Variants in GREB1L observed in about 807,000 individuals in gnomAD.
GREB1L encodes the protein GREB1 like retinoic acid receptor coactivator, also known as GREB1-like protein.
GREB1L carries 17 observed loss-of-function variants against 200.8 expected under a neutral mutation model. That is an observed-to-expected ratio of 0.08 (90% confidence interval 0.06 to 0.13). The LOEUF (loss-of-function observed/expected upper bound fraction) is 0.13. Ranked by LOEUF, GREB1L falls within the 10% of genes least tolerant of loss-of-function variation. The pLI is 1.00. For synonymous variants in GREB1L, 789 were observed against 893.0 expected, an observed-to-expected ratio of 0.88 and a Z score of 2.08; for missense variants, 1,657 against 2,367.7, an observed-to-expected ratio of 0.70 and a Z score of 6.23.
At chr18:21,271,938 T>G (rs888269728) in intron 1 of GREB1L, among the ~76,000 whole-genome samples, 1 of 152,280 alleles carries the variant, frequency 6.6e-6, no homozygotes, top group East Asian at 1.9e-4. Context: ...AAATCTTCCC[T>G]TAAAGCTGTG....
At chr18:21,451,478 CTTTTTTTTTTTTTT>C (rs58956525) in intron 13 of GREB1L, 16 of 77,546 alleles carry the variant, frequency 2.1e-4, no homozygotes, top group South Asian at 9.2e-4. Context: ...TCCTTCCTTC[CTTTTTTTTTTTTTT>C]TTTTTTTTTT....
intron 4 of GREB1L, among the ~76,000 whole-genome samples, chr18:21,385,221 T>C (rs773899301): frequency 6.6e-6 from 1 of 152,126 alleles, no homozygotes; most frequent in Non-Finnish European, 1.5e-5. Context: ...CATGAAAATT[T>C]TGGAGTGGGG....
intron 5 of GREB1L, among the ~76,000 whole-genome samples, chr18:21,399,791 G>A (rs1008953848): frequency 3.4e-4 from 51 of 152,138 alleles, no homozygotes; most frequent in African/African-American, 1.1e-3. Context: ...CTAGCATATA[G>A]GTAGATGCTC....
intron 1 of GREB1L, among the ~76,000 whole-genome samples, chr18:21,276,889 T>C (rs1323667289): frequency 6.6e-6 from 1 of 150,854 alleles, no homozygotes; most frequent in Non-Finnish European, 1.5e-5. Context: ...TCACCAATTG[T>C]CCTACACAGC....
At chr18:21,417,199 A>G (rs913101174) in intron 7 of GREB1L, among the ~76,000 whole-genome samples, 1 of 152,148 alleles carries the variant, frequency 6.6e-6, no homozygotes, top group Non-Finnish European at 1.5e-5. Context: ...CAATATTTTT[A>G]AAGTTAACCT....
chr18:21,462,681 C>G (rs188140644), intron 15 of GREB1L, among the ~76,000 whole-genome samples: 156 of 152,268 alleles, frequency 1.0e-3, no homozygotes, highest in Middle Eastern at 6.8e-3. Flanking sequence ...AACCACTGAC[C>G]TTAGGTGATC....
At chr18:21,395,353 C>T (rs1287180045) in intron 4 of GREB1L, 32 bp from the exon 5 acceptor site, 1 of 1,488,548 alleles carries the variant, frequency 6.7e-7, no homozygotes, top group Admixed American at 2.0e-5. Context: ...CTAAACATTT[C>T]ACTGTGTCCT....
intron 15 of GREB1L, among the ~76,000 whole-genome samples, chr18:21,469,407 T>G (rs1230852573): frequency 2.0e-5 from 3 of 152,028 alleles, no homozygotes; most frequent in South Asian, 4.2e-4. Flanking sequence ...GCTCTTGTGG[T>G]TTTTTTTAAC....
chr18:21,352,114 G>A (rs561480677), intron 1 of GREB1L, among the ~76,000 whole-genome samples: 1 of 152,218 alleles, frequency 6.6e-6, no homozygotes, highest in South Asian at 2.1e-4. Flanking sequence ...CCAAAGTGCT[G>A]GGATTACAGG....
intron 1 of GREB1L, among the ~76,000 whole-genome samples, chr18:21,353,008 C>T (rs1402822300): frequency 4.6e-5 from 7 of 151,810 alleles, no homozygotes; most frequent in Admixed American, 1.3e-4. Context: ...GGTGAAACCC[C>T]GTCTCTACTG....
chr18:21,249,567 A>C (rs1276650003), intron 1 of GREB1L, among the ~76,000 whole-genome samples: 8 of 152,044 alleles, frequency 5.3e-5, no homozygotes, highest in Non-Finnish European at 1.2e-4. Context: ...AAAGTGAGAG[A>C]TATCTGGCCG....
intron 1 of GREB1L, among the ~76,000 whole-genome samples, chr18:21,342,142 T>G (rs2039278262): frequency 6.6e-6 from 1 of 152,174 alleles, no homozygotes; most frequent in Non-Finnish European, 1.5e-5. Flanking sequence ...TTGTAAAATT[T>G]CAGACTGATT....
chr18:21,318,993 C>G (rs960073790), intron 1 of GREB1L, among the ~76,000 whole-genome samples: 1 of 152,166 alleles, frequency 6.6e-6, no homozygotes, highest in Non-Finnish European at 1.5e-5. Context: ...GCTTAGCCCC[C>G]GTGTAGCTGC....
intron 1 of GREB1L, among the ~76,000 whole-genome samples, chr18:21,299,928 T>C (rs2038592059): frequency 6.6e-6 from 1 of 152,140 alleles, no homozygotes; most frequent in Non-Finnish European, 1.5e-5. Flanking sequence ...ACATATAGAA[T>C]ACCAGCTAGA....
At position 21,335,530 on chromosome 18, in the gene GREB1L, A is replaced by G. The variant is rs144445529; in HGVS notation, c.-119-30497A>G. Among the ~76,000 whole-genome samples the G allele has an allele frequency of 2.1e-3, 322 of 152,328 alleles. 1 individual carries two copies. Among genetic ancestry groups the G allele is most frequent in the African/African-American group, 7.4e-3 (306 of 41,572 alleles). On this transcript the variant is annotated intron_variant, in intron 1 of 32. Transcript: ENST00000424526. The stretch of plus-strand genomic sequence containing the variant: ...ATTTTGTTTTACATGTAAAAGCTCT[A>G]TCACACTGCTTCTTATACACAATGA...
chr18:21,276,059 G>C (rs2038157844), intron 1 of GREB1L, among the ~76,000 whole-genome samples: 1 of 152,212 alleles, frequency 6.6e-6, no homozygotes, highest in Non-Finnish European at 1.5e-5. Flanking sequence ...TTGGGCTCTT[G>C]AGGTTCCTTC....
intron 1 of GREB1L, among the ~76,000 whole-genome samples, chr18:21,359,194 G>C (rs950891171): frequency 1.3e-5 from 2 of 152,236 alleles, no homozygotes; most frequent in African/African-American, 4.8e-5. Context: ...AATGGCTCAC[G>C]CCTGTAATCC....
intron 1 of GREB1L, among the ~76,000 whole-genome samples, chr18:21,323,455 A>C (rs146960699): frequency 2.4e-3 from 364 of 152,354 alleles, no homozygotes; most frequent in Non-Finnish European, 4.2e-3. Context: ...TGAATAAAGA[A>C]TATGAACAGA....
intron 1 of GREB1L, among the ~76,000 whole-genome samples, chr18:21,325,022 TA>T (rs1349934408): frequency 2.0e-5 from 3 of 152,190 alleles, no homozygotes; most frequent in African/African-American, 7.2e-5. Flanking sequence ...TCAAGACACT[TA>T]ACTGGAATTT....
Sources: allele counts gnomAD v4.1 joint callset (sites outside exome capture counted in the v4.1 genomes callset), GRCh38; gene constraint gnomAD v4.1.1; transcripts MANE v1.5; gene names NCBI Gene and HGNC (gene_info 2026-07-23, HGNC 2026-07-21).